The following SAFB variants were observed in gnomAD, a reference collection of about 807,000 sequenced individuals.
SAFB encodes the protein scaffold attachment factor B.
SAFB carries 15 observed loss-of-function variants against 101.6 expected under a neutral mutation model. That is an observed-to-expected ratio of 0.15 (90% CI 0.10 to 0.23). The LOEUF is 0.23. Among genes scored for constraint, SAFB ranks in the 10% least tolerant of loss-of-function variants. SAFB has a pLI of 1.00. For missense variants in SAFB, 930 were observed against 1,104.1 expected (o/e 0.84, Z 2.23); for synonymous variants, 449 against 407.5 (o/e 1.10, Z -1.23).
At position 5,667,526 on chromosome 19, in the gene SAFB, TGG is replaced by T; in HGVS notation, c.2557+80_2557+81del. On this transcript the variant is annotated intron_variant, in intron 19 of 20. Transcript: ENST00000588852. The surrounding 1 kb of genome is among the most constrained non-coding windows in gnomAD (Gnocchi z 4.0). ...AGATGGAGGCCGCGCCTTCTCTCCT[TGG>T]GGGAGCACAGGAGGTGCTCTGCTCT... The T allele has an allele frequency of 9.5e-7, 1 of 1,049,582 alleles. No homozygotes were observed. Among genetic ancestry groups the T allele is most frequent in the Non-Finnish European group, 1.4e-6 (1 of 717,048 alleles). The allele number at this position is 1,049,582 out of a possible 1,614,324, so 65.0% of individuals were successfully genotyped here. A position where few individuals can be genotyped will look rare whatever the true frequency, so the allele number is the denominator to read the frequency against.
chr19:5,624,079 G>T (rs2053274921), intron 1 of SAFB: 1 of 152,022 alleles, frequency 6.6e-6, no homozygotes, highest in African/African-American at 2.4e-5. Context: ...TTTAAAACCA[G>T]CCTCAGAACT....
intron 15 of SAFB, among the ~76,000 whole-genome samples, chr19:5,663,509 A>C (rs560292254): frequency 6.6e-6 from 1 of 152,214 alleles, no homozygotes; most frequent in South Asian, 2.1e-4. Context: ...ATACAATGCA[A>C]CTTCTATAAA....
chr19:5,646,716 T>C (rs2145441561), intron 5 of SAFB, among the ~76,000 whole-genome samples: 2 of 152,322 alleles, frequency 1.3e-5, no homozygotes, highest in Admixed American at 1.3e-4. Flanking sequence ...CAGGGGAAGT[T>C]ATAATTCAGT....
At position 5,653,264 on chromosome 19, in the gene SAFB, A is replaced by G; in HGVS notation, c.1443A>G (p.Lys481=). 11 of 1,614,168 alleles carry G rather than the reference A, an allele frequency of 6.8e-6. No homozygotes were observed. The highest frequency in any genetic ancestry group is 1.3e-5 in the African/African-American group (1 of 75,034). ...ELHGKMISVE[K]AKNEPVGKKT... ...ACGGAAAGATGATCTCCGTGGAGAAAGTGAGTGGCCGTTTTCTTCCCAGGA... is the reference window on the plus strand; with the variant it reads ...ACGGAAAGATGATCTCCGTGGAGAAGGTGAGTGGCCGTTTTCTTCCCAGGA... The change falls in exon 10 of 21, where the codon AAA becomes AAG. Residue 481 remains lysine (K), a splice_region_variant and synonymous_variant. Coordinates refer to ENST00000588852, the MANE Select transcript of SAFB (RefSeq NM_001201338.2).
Position 5,648,064 on chromosome 19 carries a change from T to G in SAFB, c.637+21T>G. 1.9e-6 allele frequency: 3 copies of G among 1,601,960 alleles called. No individual in the cohort carries two copies. The South Asian group carries it at 3.4e-5, about 18-fold the overall frequency. On this transcript the variant is annotated intron_variant, in intron 6 of 20. Transcript: ENST00000588852. The stretch of plus-strand genomic sequence containing the variant: ...GCCAGGTACTGTTAAATGAAAAACT[T>G]ACCAGCGGGGGTTTGGAACCATTCT...
At chr19:5,653,463 T>C (rs1474282233) in intron 11 of SAFB, 43 bp downstream of exon 11, 1 of 1,554,886 alleles carries the variant, frequency 6.4e-7, no homozygotes, top group African/African-American at 1.4e-5. Context: ...AGGGTGTTTT[T>C]TGTTGTTGTT....
rs200617108 is a variant in SAFB at position 5,626,451 on chromosome 19, C to G, written c.236C>G (p.Ser79Cys). 1.8e-5 allele frequency: 29 copies of G among 1,610,830 alleles called. No homozygotes were observed. The East Asian group carries it at 6.5e-4, about 36-fold the overall frequency. ...AATCCTGACGAAATTGAAATTACCT[C>G]CGAGGGAAACAAGAAAACATCAAAG... ...GGNPDEIEIT[S>C]EGNKKTSKRS... Residue 79 changes from serine (S) to cysteine (C), a missense_variant, in exon 2 of 21, where the codon TCC becomes TGC. Ser to Cys is a moderately radical substitution (Grantham distance 112, BLOSUM62 -1). Coordinates refer to ENST00000588852, the MANE Select transcript of SAFB (RefSeq NM_001201338.2).
At chr19:5,648,169 C>T in intron 6 of SAFB, 126 bp downstream of exon 6, 1 of 771,726 alleles carries the variant, frequency 1.3e-6, no homozygotes, top group Non-Finnish European at 2.1e-6. Flanking sequence ...TAAAGGTTTA[C>T]AATCCAAAAC....
At chr19:5,652,340 G>A (rs746925318) in intron 9 of SAFB, among the ~76,000 whole-genome samples, 4 of 152,104 alleles carry the variant, frequency 2.6e-5, no homozygotes, top group Non-Finnish European at 4.4e-5. Flanking sequence ...ACTCCATGGC[G>A]TCCCCCAGCG....
At position 5,667,851 on chromosome 19, in the gene SAFB, G is replaced by T. The variant is rs756911978; in HGVS notation, c.2589G>T (p.Gly863=). 1.2e-6 allele frequency: 2 copies of T among 1,612,450 alleles called. No homozygotes were observed. The highest frequency in any genetic ancestry group is 4.5e-5 in the East Asian group (2 of 44,872). ...AGAGAAGCATGTCCGGTCACTCCGG[G>T]CCTGGCCACATGATGAACCGAGGAG... ...GGERSMSGHS[G]PGHMMNRGGM... Residue 863 remains glycine (G), a synonymous_variant, in exon 20 of 21, where the codon GGG becomes GGT. Coordinates refer to ENST00000588852, the MANE Select transcript of SAFB (RefSeq NM_001201338.2). This position sits in a 1 kb window ranked among gnomAD's most constrained non-coding sequence, Gnocchi z 4.0.
chr19:5,641,056 G>A (rs537695305), intron 2 of SAFB, among the ~76,000 whole-genome samples: 15 of 151,970 alleles, frequency 9.9e-5, no homozygotes, highest in African/African-American at 3.6e-4. Flanking sequence ...TTTTAGTAGA[G>A]ACGGGGTTTC....
chr19:5,659,090 C>T (rs577963199), intron 14 of SAFB, among the ~76,000 whole-genome samples: 27 of 151,280 alleles, frequency 1.8e-4, no homozygotes, highest in Admixed American at 1.4e-3. Context: ...TGCAGTGAGC[C>T]GAGATTGCGC....
chr19:5,666,229 G>A (rs2054324623), intron 17 of SAFB: 1 of 152,250 alleles, frequency 6.6e-6, no homozygotes, highest in Non-Finnish European at 1.5e-5. Flanking sequence ...AGGCTGGAAA[G>A]TGCTTCCAGC....
intron 2 of SAFB, among the ~76,000 whole-genome samples, chr19:5,628,175 C>G (rs919337482): frequency 6.6e-6 from 1 of 152,082 alleles, no homozygotes; most frequent in Non-Finnish European, 1.5e-5. Context: ...TGCCTGAACC[C>G]AGGAGGTGGA....
At chr19:5,651,190 T>C (rs979158964) in intron 9 of SAFB, 118 bp downstream of exon 9, 2 of 615,240 alleles carry the variant, frequency 3.3e-6, no homozygotes, top group Admixed American at 6.3e-5. Flanking sequence ...TTACACTTGC[T>C]AATGGCTGGG....
In SAFB at chr19:5,661,904, A is replaced by G. The variant is rs1299269108; in HGVS notation, c.2153+96A>G. 2.6e-5 allele frequency: 21 copies of G among 807,352 alleles called. No homozygotes were observed. The African/African-American group carries it at 3.4e-4, about 13-fold the overall frequency. The allele number at this position is 807,352 out of a possible 1,614,324, so 50.0% of individuals were successfully genotyped here. A position where few individuals can be genotyped will look rare whatever the true frequency, so the allele number is the denominator to read the frequency against. ...CTTGAGATTTTTTTTTTTTTTTTTG[A>G]GACGGAGTCTTGCTTTGTCGCGGAG... On this transcript the variant is annotated intron_variant, in intron 15 of 20. Coordinates refer to ENST00000588852, the MANE Select transcript of SAFB (RefSeq NM_001201338.2).
At chr19:5,641,010 A>C (rs1190376262) in intron 2 of SAFB, among the ~76,000 whole-genome samples, 4 of 145,086 alleles carry the variant, frequency 2.8e-5, no homozygotes, top group South Asian at 2.2e-4. Context: ...GCTCAGTGCA[A>C]CCTCCGCCTC....
chr19:5,642,490 T>G (rs1488020309), intron 4 of SAFB, among the ~76,000 whole-genome samples: 1 of 151,952 alleles, frequency 6.6e-6, no homozygotes, highest in Non-Finnish European at 1.5e-5. Context: ...ACACAGCCAG[T>G]TGATACCTAT....
At chr19:5,660,186 T>A (rs577582643) in intron 14 of SAFB, among the ~76,000 whole-genome samples, 1 of 152,114 alleles carries the variant, frequency 6.6e-6, no homozygotes, top group Non-Finnish European at 1.5e-5. Flanking sequence ...GTTTCTGATA[T>A]AAAACTGTGT....
Sources: allele counts gnomAD v4.1 joint callset (sites outside exome capture counted in the v4.1 genomes callset), GRCh38; gene constraint gnomAD v4.1.1; non-coding constraint Gnocchi (gnomAD v3.1); transcripts MANE v1.5; gene names NCBI Gene and HGNC (gene_info 2026-07-23, HGNC 2026-07-21).